TNKS: variants seen among roughly 807,000 people sequenced by gnomAD.
TNKS encodes the protein poly [ADP-ribose] polymerase tankyrase-1.
Under a neutral mutation model 135.8 loss-of-function variants are expected in TNKS, and 72 were observed. That is an observed-to-expected ratio of 0.53 (90% CI 0.44 to 0.64). The LOEUF (loss-of-function observed/expected upper bound fraction) is 0.64. Among genes scored for constraint, TNKS ranks in the 30% least tolerant of loss-of-function variants. The pLI, the probability that TNKS is intolerant of heterozygous loss-of-function variation, is 0.00. For missense variants in TNKS, 1,769 were observed against 1,674.0 expected (o/e 1.06, Z -0.99); for synonymous variants, 849 against 649.3 (o/e 1.31, Z -4.68).
chr8:9,741,693 A>G (rs1805968636), intron 17 of TNKS: 1 of 526,996 alleles, frequency 1.9e-6, no homozygotes, highest in Admixed American at 1.9e-5. Context: ...CGTGTGTGTC[A>G]CTCGATGACC....
intron 2 of TNKS, among the ~76,000 whole-genome samples, chr8:9,606,735 C>G (rs572649102): frequency 7.4e-4 from 113 of 152,108 alleles, no homozygotes; most frequent in African/African-American, 2.6e-3. Flanking sequence ...TTCTTTCTCT[C>G]TATATGTTTA....
In TNKS at chr8:9,770,223, G is replaced by A. The variant is rs957710769; in HGVS notation, c.3858G>A (p.Gly1286=). ...HSVIGRPSVN[G]LAYAEYVIYR... ...TCATTGGTAGACCGAGCGTCAATGGGCTGGCATATGCTGAATATGTCATCT... is the reference window on the plus strand; with the variant it reads ...TCATTGGTAGACCGAGCGTCAATGGACTGGCATATGCTGAATATGTCATCT... Residue 1286 remains glycine (G), a synonymous_variant, in exon 26 of 27, where the codon GGG becomes GGA. Coordinates refer to ENST00000310430, the MANE Select transcript of TNKS (RefSeq NM_003747.3). 6.2e-7 allele frequency: 1 copy of A among 1,613,246 alleles called. No individual in the cohort carries two copies.
At chr8:9,671,045 A>G (rs1464617740) in intron 3 of TNKS, 2 of 152,146 alleles carry the variant, frequency 1.3e-5, no homozygotes, top group Non-Finnish European at 2.9e-5. Context: ...AATTGCCCCT[A>G]TATGAGGCAA....
chr8:9,614,796 A>C (rs1036730384), intron 2 of TNKS, among the ~76,000 whole-genome samples: 2 of 152,176 alleles, frequency 1.3e-5, no homozygotes, highest in African/African-American at 4.8e-5. Flanking sequence ...TACACACCAC[A>C]TACCAGATGT....
rs184611999 is a variant in TNKS, at chr8:9,608,832, C to T, written c.899-6750C>T. On this transcript the variant is annotated intron_variant, in intron 2 of 26. Transcript: ENST00000310430. ...GCAGAGAGTTGGGTGATTATGGTAC[C>T]CATCTTGTGAGTTTCTCTTCTTTCA... Among the ~76,000 whole-genome samples the T allele has an allele frequency of 2.0e-3, 310 of 152,200 alleles. 2 individuals carry two copies. Among genetic ancestry groups the T allele is most frequent in the African/African-American group, 6.9e-3 (288 of 41,506 alleles).
At chr8:9,608,494 GCT>G (rs1428591005) in intron 2 of TNKS, among the ~76,000 whole-genome samples, 1 of 151,894 alleles carries the variant, frequency 6.6e-6, no homozygotes. Flanking sequence ...TTTCAGCACT[GCT>G]CTTTCTCTAG....
chr8:9,731,963 A>G (rs1017359199), intron 14 of TNKS, among the ~76,000 whole-genome samples: 1 of 151,930 alleles, frequency 6.6e-6, no homozygotes, highest in Middle Eastern at 3.4e-3. Flanking sequence ...AATTTTTTGT[A>G]TTTTTAGGAG....
rs756587675 is a variant in TNKS at position 9,679,998 on chromosome 8, C to T, written c.1031+11C>T. On this transcript the variant is annotated intron_variant, in intron 4 of 26. Transcript: ENST00000310430. ...CCTAGAAGCTGCTAGGTAAGTGATT[C>T]CATTCATTTTAAGTGTATATAATGC... The T allele has an allele frequency of 2.8e-5, 45 of 1,606,762 alleles. No homozygotes were observed. The highest frequency in any genetic ancestry group is 1.7e-4 in the Middle Eastern group (1 of 6,044).
rs552577184 is a variant in TNKS at position 9,615,199 on chromosome 8, G to A, written c.899-383G>A. On this transcript the variant is annotated intron_variant, in intron 2 of 26. Transcript: ENST00000310430. ...TTTGGAAATTCAGCAGTAAAGCAGC[G>A]ACAGCAACAAGCAGCCACAGTGGTA... The A allele has an allele frequency of 1.0e-4, 16 of 159,062 alleles. No individual in the cohort carries two copies. The South Asian group carries it at 2.6e-3, about 26-fold the overall frequency. The allele number at this position is 159,062 out of a possible 1,614,324, so 9.9% of individuals were successfully genotyped here.
chr8:9,672,808 C>T (rs1456082846), intron 3 of TNKS, among the ~76,000 whole-genome samples: 2 of 151,814 alleles, frequency 1.3e-5, no homozygotes, highest in African/African-American at 4.8e-5. Flanking sequence ...TTGTCCTGAG[C>T]TCCCAGACTG....
rs1488582270 is a variant in TNKS at position 9,720,395 on chromosome 8, G to C, written c.1771G>C (p.Gly591Arg). ...TCAGATGAATGCACTGGACACCCTT[G>C]GTCAGACTGCTTTGCATAGAGCCGC... ...GAKMNALDTL[G>R]QTALHRAALA... Residue 591 changes from glycine to arginine, a missense_variant, in exon 12 of 27, where the codon GGT becomes CGT. By Grantham distance (125) the Gly-to-Arg change is moderately radical (BLOSUM62 -2). Transcript: ENST00000310430. The C allele has an allele frequency of 6.2e-7, 1 of 1,612,492 alleles. No individual in the cohort carries two copies. The highest frequency in any genetic ancestry group is 1.1e-5 in the South Asian group (1 of 90,836).
intron 3 of TNKS, among the ~76,000 whole-genome samples, chr8:9,675,576 C>T (rs768735890): frequency 1.3e-5 from 2 of 152,190 alleles, no homozygotes; most frequent in Non-Finnish European, 2.9e-5. Context: ...GCAAGCTCAT[C>T]TGTAAATTTA....
At chr8:9,622,328 C>A (rs758746805) in intron 3 of TNKS, among the ~76,000 whole-genome samples, 1 of 152,182 alleles carries the variant, frequency 6.6e-6, no homozygotes, top group Non-Finnish European at 1.5e-5. Context: ...AGCAAGCAAA[C>A]AACTTAGCGT....
chr8:9,678,104 T>C (rs1264990666), intron 3 of TNKS, among the ~76,000 whole-genome samples: 2 of 152,218 alleles, frequency 1.3e-5, no homozygotes, highest in Admixed American at 6.5e-5. Flanking sequence ...TAGAATAATA[T>C]TCCTTGAGGT....
intron 12 of TNKS, among the ~76,000 whole-genome samples, chr8:9,725,424 G>C (rs1805116119): frequency 6.6e-6 from 1 of 152,040 alleles, no homozygotes; most frequent in Non-Finnish European, 1.5e-5. Flanking sequence ...CATTTTACCT[G>C]CTATTATGAT....
chr8:9,656,255 A>G (rs190835885), intron 3 of TNKS, among the ~76,000 whole-genome samples: 114 of 152,364 alleles, frequency 7.5e-4, no homozygotes, highest in Middle Eastern at 3.4e-3. Context: ...GACCAAATCT[A>G]CGTCCTGATT....
intron 3 of TNKS, among the ~76,000 whole-genome samples, chr8:9,626,195 A>G (rs866156408): frequency 2.6e-5 from 4 of 152,308 alleles, no homozygotes; most frequent in Non-Finnish European, 4.4e-5. Context: ...TCCACTTTAT[A>G]TGATGTTAAC....
At chr8:9,690,912 A>T (rs1465320329) in intron 5 of TNKS, among the ~76,000 whole-genome samples, 1 of 152,152 alleles carries the variant, frequency 6.6e-6, no homozygotes, top group Non-Finnish European at 1.5e-5. Flanking sequence ...ATAGAATCTT[A>T]CTTGGATGGG....
intron 12 of TNKS, among the ~76,000 whole-genome samples, chr8:9,721,374 T>C (rs1405678613): frequency 1.3e-5 from 2 of 150,188 alleles, no homozygotes; most frequent in Admixed American, 6.7e-5. Flanking sequence ...ATATTTTAAA[T>C]ATAAATTGAT....
Sources: gnomAD v4.1 joint callset for allele counts (sites outside exome capture counted in the v4.1 genomes callset) on GRCh38, gnomAD v4.1.1 for gene constraint, MANE v1.5 for transcripts, NCBI Gene and HGNC (gene_info 2026-07-23, HGNC 2026-07-21) for gene names.